Variants in BID observed in about 807,000 individuals in gnomAD.
The protein encoded by BID is BH3-interacting domain death agonist.
Under a neutral mutation model 17.4 loss-of-function variants are expected in BID, and 19 were observed. The observed-to-expected ratio is 1.09, with a 90% CI of 0.76 to 1.60. BID has a LOEUF of 1.60. BID is among the 40% of genes most tolerant of loss of function. The pLI is 0.00. For missense variants in BID, 226 were observed against 256.0 expected, an observed-to-expected ratio of 0.88 and a Z score of 0.80; for synonymous variants, 108 against 102.8, an observed-to-expected ratio of 1.05 and a Z score of -0.31.
chr22:17,738,008 G>C lies in BID; in HGVS notation c.576+9C>G, dbSNP rs199554819. 326 of 1,613,758 alleles carry C rather than the reference G, an allele frequency of 2.0e-4. 1 individual carries two copies. Among genetic ancestry groups the C allele is most frequent in the Admixed American group, 3.5e-4 (21 of 60,016 alleles). The stretch of plus-strand genomic sequence containing the variant: ...AGGCAGGGAAGGAGCTGACCTCAAG[G>C]GTTCTTACATTTCTGGCTAAGCTCC... On this transcript the variant is annotated intron_variant, in intron 5 of 5. Coordinates refer to ENST00000622694, the MANE Select transcript of BID (RefSeq NM_001196.4).
intron 1 of BID, among the ~76,000 whole-genome samples, chr22:17,753,442 G>A (rs1425067413): frequency 6.6e-6 from 1 of 152,222 alleles, no homozygotes; most frequent in Admixed American, 6.5e-5. Flanking sequence ...GCCTCCCCTA[G>A]GCAACGGTCT....
intron 1 of BID, among the ~76,000 whole-genome samples, chr22:17,754,475 C>T (rs142180564): frequency 4.9e-4 from 74 of 152,364 alleles, no homozygotes; most frequent in African/African-American, 1.7e-3. Flanking sequence ...CAGGCCCTCA[C>T]GAGTATGCTC....
chr22:17,747,311 T>C (rs984314201), intron 2 of BID, among the ~76,000 whole-genome samples: 2 of 152,198 alleles, frequency 1.3e-5, no homozygotes, highest in African/African-American at 2.4e-5. Context: ...ATGCCCTTTT[T>C]TGATCTTCTA....
chr22:17,753,145 T>A (rs527849761), intron 1 of BID, among the ~76,000 whole-genome samples: 1 of 149,896 alleles, frequency 6.7e-6, no homozygotes, highest in Non-Finnish European at 1.5e-5. Flanking sequence ...TTTTTGTATT[T>A]TTAGTAGAGA....
At chr22:17,774,071 T>G in intron 1 of BID, 2 of 308,176 alleles carry the variant, frequency 6.5e-6, no homozygotes, top group East Asian at 1.9e-4. Flanking sequence ...ACCCCTCCCC[T>G]GAATCCCCAG....
chr22:17,750,700 C>T (rs543365597), intron 1 of BID, among the ~76,000 whole-genome samples: 1 of 152,006 alleles, frequency 6.6e-6, no homozygotes, highest in Non-Finnish European at 1.5e-5. Flanking sequence ...TGGTGGCGGG[C>T]GCCTGTAGTC....
chr22:17,741,665 A>G (rs1319751778), intron 3 of BID, among the ~76,000 whole-genome samples: 1 of 151,798 alleles, frequency 6.6e-6, no homozygotes, highest in East Asian at 1.9e-4. Flanking sequence ...TTTAGTAGAG[A>G]CGGGGTTTCA....
At chr22:17,753,931 C>G (rs550019411) in intron 1 of BID, among the ~76,000 whole-genome samples, 3 of 152,062 alleles carry the variant, frequency 2.0e-5, no homozygotes, top group East Asian at 3.9e-4. Flanking sequence ...GGGTGACATT[C>G]CCCTAGTCTC....
chr22:17,743,539 A>G (rs1302937851), intron 3 of BID, among the ~76,000 whole-genome samples: 1 of 152,240 alleles, frequency 6.6e-6, no homozygotes, highest in Non-Finnish European at 1.5e-5. Flanking sequence ...CAAGGGACTC[A>G]AGACCAGTAC....
At chr22:17,736,043 A>ATGCT (rs1188940672) in intron 5 of BID, among the ~76,000 whole-genome samples, 2 of 152,336 alleles carry the variant, frequency 1.3e-5, no homozygotes, top group East Asian at 1.9e-4. Flanking sequence ...TGTTTTTAAA[A>ATGCT]TGCTTGTATA....
At position 17,734,881 on chromosome 22, in the gene BID, A is replaced by AATC. The variant is rs1457945609; in HGVS notation, c.*696_*698dup. ...AAACAGTGGCTGACCTGGGCCCTTA[A>AATC]ATCACCTTCACACCTTTTAGAACCA... On this transcript the variant is annotated 3_prime_UTR_variant, in exon 6 of 6. Coordinates refer to ENST00000622694, the MANE Select transcript of BID (RefSeq NM_001196.4). 1 of 152,208 alleles carries AATC rather than the reference A, an allele frequency of 6.6e-6. No homozygotes were observed. Among genetic ancestry groups the AATC allele is most frequent in the Admixed American group, 6.5e-5 (1 of 15,282 alleles). 9.4% of individuals were successfully genotyped at this position (152,208 alleles called of 1,614,324 possible). A position where few individuals can be genotyped will look rare whatever the true frequency, so the allele number is the denominator to read the frequency against.
At chr22:17,740,896 TA>T (rs939016137) in intron 3 of BID, 2 of 152,216 alleles carry the variant, frequency 1.3e-5, no homozygotes, top group East Asian at 1.9e-4. Context: ...CCCCGTTTCT[TA>T]AAAAAAGTTT....
At chr22:17,739,985 G>A (rs1048089003) in intron 3 of BID, 4 of 1,313,314 alleles carry the variant, frequency 3.0e-6, no homozygotes, top group Non-Finnish European at 4.3e-6. Context: ...GCAAGGCCCT[G>A]GAGAATCTCC....
Position 17,769,235 on chromosome 22 carries a change from C to T in BID, c.-59+5146G>A, listed in dbSNP as rs1312734198. 6.6e-6 allele frequency among the ~76,000 whole-genome samples: 1 copy of T among 152,232 alleles called. No individual in the cohort carries two copies. Among genetic ancestry groups the T allele is most frequent in the Non-Finnish European group, 1.5e-5 (1 of 68,036 alleles). ...CCCCTGGCAGAAACGCCTCCCCTCT[C>T]CTATGGAGGGGCTGATGACCCAGGA... On this transcript the variant is annotated intron_variant, in intron 1 of 5. Transcript: ENST00000622694. This position sits in a 1 kb window ranked among gnomAD's most constrained non-coding sequence, Gnocchi z 4.8.
intron 3 of BID, among the ~76,000 whole-genome samples, chr22:17,742,191 A>T (rs2061464247): frequency 6.6e-6 from 1 of 152,202 alleles, no homozygotes; most frequent in South Asian, 2.1e-4. Context: ...TGTCACCTGC[A>T]GGCTAAGTGA....
At chr22:17,762,212 G>A (rs867024728) in intron 1 of BID, among the ~76,000 whole-genome samples, 2 of 152,094 alleles carry the variant, frequency 1.3e-5, no homozygotes, top group East Asian at 1.9e-4. Flanking sequence ...AAATAGTTAC[G>A]TTGGCCAGGC....
intron 4 of BID, among the ~76,000 whole-genome samples, chr22:17,738,904 C>T (rs1393584178): frequency 6.6e-6 from 1 of 152,152 alleles, no homozygotes; most frequent in Non-Finnish European, 1.5e-5. Context: ...GGACACAGTG[C>T]CCCGGACCAA....
At chr22:17,771,251 C>A (rs1426629687) in intron 1 of BID, among the ~76,000 whole-genome samples, 1 of 152,198 alleles carries the variant, frequency 6.6e-6, no homozygotes, top group Non-Finnish European at 1.5e-5. Context: ...GGGCGCCCCC[C>A]ACCACGCACA....
chr22:17,756,479 T>C (rs866639655), intron 1 of BID, among the ~76,000 whole-genome samples: 123 of 100,942 alleles, frequency 1.2e-3, no homozygotes, highest in Non-Finnish European at 1.6e-3. Context: ...TTCTTTCTTT[T>C]CTTTCTTTCT....
Sources: allele counts gnomAD v4.1 joint callset (sites outside exome capture counted in the v4.1 genomes callset), GRCh38; gene constraint gnomAD v4.1.1; non-coding constraint Gnocchi (gnomAD v3.1); transcripts MANE v1.5; gene names NCBI Gene and HGNC (gene_info 2026-07-23, HGNC 2026-07-21).